NEK7: variants seen among roughly 807,000 people sequenced by gnomAD.
NEK7 encodes serine/threonine-protein kinase Nek7.
A neutral mutation model predicts 44.6 loss-of-function variants in NEK7; 18 were observed. That is an observed-to-expected ratio of 0.40 (90% CI 0.28 to 0.60). The LOEUF (loss-of-function observed/expected upper bound fraction) is 0.60, where lower values mean the gene tolerates loss of function less well. NEK7 is among the 20% of genes least tolerant of loss of function. The pLI, the probability that NEK7 is intolerant of heterozygous loss-of-function variation, is 0.38. For missense variants in NEK7, 256 were observed against 366.5 expected (o/e 0.70, Z 2.46); for synonymous variants, 130 against 121.1 (o/e 1.07, Z -0.48).
intron 5 of NEK7, among the ~76,000 whole-genome samples, chr1:198,275,143 A>T (rs1000782040): frequency 6.6e-6 from 1 of 151,578 alleles, no homozygotes; most frequent in Non-Finnish European, 1.5e-5. Context: ...TAAAAGTGGA[A>T]AAGTTACTTT....
At chr1:198,251,492 A>C (rs1652981855) in intron 2 of NEK7, among the ~76,000 whole-genome samples, 1 of 150,742 alleles carries the variant, frequency 6.6e-6, no homozygotes, top group Admixed American at 6.6e-5. Context: ...TTCGGCTGTA[A>C]ATCCATCTGG....
intron 9 of NEK7, among the ~76,000 whole-genome samples, chr1:198,308,062 A>C (rs1011996239): frequency 2.0e-5 from 3 of 152,108 alleles, no homozygotes; most frequent in Non-Finnish European, 2.9e-5. Flanking sequence ...CTGTTGTGGG[A>C]GATTACAGTG....
chr1:198,288,317 C>T (rs1654442333), intron 7 of NEK7, among the ~76,000 whole-genome samples: 1 of 152,238 alleles, frequency 6.6e-6, no homozygotes, highest in African/African-American at 2.4e-5. Flanking sequence ...AACCTCCCAG[C>T]CGCCATAACA....
At chr1:198,256,625 T>C in intron 3 of NEK7, 1 of 1,001,314 alleles carries the variant, frequency 1.0e-6, no homozygotes, top group South Asian at 1.8e-5. Flanking sequence ...ATTGGCCACC[T>C]AGTGTTTATT....
At chr1:198,227,918 G>C (rs1469131998) in intron 1 of NEK7, among the ~76,000 whole-genome samples, 1 of 152,078 alleles carries the variant, frequency 6.6e-6, no homozygotes, top group African/African-American at 2.4e-5. Context: ...ATTGCTTTTG[G>C]TGTTTTAGAC....
At chr1:198,298,333 C>A (rs1351574891) in intron 9 of NEK7, among the ~76,000 whole-genome samples, 1 of 152,132 alleles carries the variant, frequency 6.6e-6, no homozygotes, top group East Asian at 1.9e-4. Context: ...ATAAATATCT[C>A]TAAAGAATTT....
intron 1 of NEK7, among the ~76,000 whole-genome samples, chr1:198,182,876 TA>T (rs1217874564): frequency 3.9e-5 from 6 of 152,178 alleles, no homozygotes; most frequent in Admixed American, 6.6e-5. Context: ...CGATTGATAG[TA>T]GTCATTAACA....
At chr1:198,277,744 A>G (rs1415247337) in intron 5 of NEK7, 1 of 451,898 alleles carries the variant, frequency 2.2e-6, no homozygotes, top group Non-Finnish European at 3.9e-6. Context: ...AGGTACTGTT[A>G]CACAGTTTCC....
At chr1:198,175,565 T>C (rs1191721085) in intron 1 of NEK7, among the ~76,000 whole-genome samples, 1 of 152,132 alleles carries the variant, frequency 6.6e-6, no homozygotes, top group Non-Finnish European at 1.5e-5. Flanking sequence ...TTTAAATCAG[T>C]TTGGTTGTCA....
intron 1 of NEK7, among the ~76,000 whole-genome samples, chr1:198,178,655 C>T (rs560079606): frequency 3.3e-5 from 5 of 152,014 alleles, no homozygotes; most frequent in African/African-American, 1.2e-4. Flanking sequence ...TTTGCAGATT[C>T]ATTTGTTCAT....
chr1:198,259,724 T>C (rs1653389868), intron 3 of NEK7, among the ~76,000 whole-genome samples: 1 of 152,146 alleles, frequency 6.6e-6, no homozygotes, highest in Non-Finnish European at 1.5e-5. Context: ...ATAATCCCTT[T>C]GGGGGAATGA....
intron 1 of NEK7, chr1:198,198,113 T>C (rs1487954901): frequency 1.1e-5 from 13 of 1,203,390 alleles, no homozygotes; most frequent in Non-Finnish European, 1.5e-5. Flanking sequence ...GTGGGCAGGA[T>C]TGGAACCTCC....
intron 7 of NEK7, among the ~76,000 whole-genome samples, chr1:198,284,316 T>C (rs1247168501): frequency 6.6e-6 from 1 of 152,192 alleles, no homozygotes; most frequent in Non-Finnish European, 1.5e-5. Flanking sequence ...TACTGTTTTC[T>C]GATTTGTTGT....
At position 198,320,434 on chromosome 1, in the gene NEK7, A is replaced by T. The variant is rs181641872; in HGVS notation, c.*912A>T. The T allele has an allele frequency of 6.6e-6, 1 of 152,126 alleles. No individual in the cohort carries two copies. Among genetic ancestry groups the T allele is most frequent in the South Asian group, 2.1e-4 (1 of 4,836 alleles). The allele number at this position is 152,126 out of a possible 1,614,324, so 9.4% of individuals were successfully genotyped here. A position where few individuals can be genotyped will look rare whatever the true frequency, so the allele number is the denominator to read the frequency against. ...ATAATATAAGCCTAAGTTTTTATTC[A>T]TAAGTTTTATTGAAGTTCTGATCGG... On this transcript the variant is annotated 3_prime_UTR_variant, in exon 10 of 10. Transcript: ENST00000367385.
At position 198,321,050 on chromosome 1, in the gene NEK7, T is replaced by C. The variant is rs1459708542; in HGVS notation, c.*1528T>C. ...GTGCCATCTTACAACCTTGGATGAA[T>C]TATCCTGCCAACGTGAAAACCTCAT... On this transcript the variant is annotated 3_prime_UTR_variant, in exon 10 of 10. Transcript: ENST00000367385. The C allele has an allele frequency of 6.6e-6, 1 of 152,202 alleles. No homozygotes were observed. The highest frequency in any genetic ancestry group is 1.5e-5 in the Non-Finnish European group (1 of 68,012). 9.4% of individuals were successfully genotyped at this position (152,202 alleles called of 1,614,324 possible).
chr1:198,157,020 CAGG>C lies in NEK7; in HGVS notation c.-277_-275del, dbSNP rs983174482. 5 of 152,112 alleles carry C rather than the reference CAGG, an allele frequency of 3.3e-5. No homozygotes were observed. Among genetic ancestry groups the C allele is most frequent in the African/African-American group, 7.2e-5 (3 of 41,418 alleles). 9.4% of individuals were successfully genotyped at this position (152,112 alleles called of 1,614,324 possible). ...TTTACACTCCTGACAGCGGCGGCAG[CAGG>C]AGGAGGATCGGGAGTCGCGGGAGGA... On this transcript the variant is annotated 5_prime_UTR_variant, in exon 1 of 10. Transcript: ENST00000367385.
intron 5 of NEK7, among the ~76,000 whole-genome samples, chr1:198,273,140 C>CA (rs1032632707): frequency 6.6e-6 from 1 of 151,650 alleles, no homozygotes; most frequent in Non-Finnish European, 1.5e-5. Context: ...CAGGAAAAGA[C>CA]AAAGACTAGT....
intron 2 of NEK7, among the ~76,000 whole-genome samples, chr1:198,244,466 G>T (rs1238983790): frequency 6.6e-6 from 1 of 152,118 alleles, no homozygotes. Context: ...TAAGGAGTCT[G>T]CACCTGTGAA....
intron 2 of NEK7, among the ~76,000 whole-genome samples, chr1:198,252,527 A>AATATATAT (rs1558079042): frequency 1.6e-4 from 2 of 12,618 alleles, no homozygotes; most frequent in Non-Finnish European, 3.2e-4. Context: ...TATCTCACAT[A>AATATATAT]CTATATATAT....
Sources: allele counts gnomAD v4.1 joint callset (sites outside exome capture counted in the v4.1 genomes callset), GRCh38; gene constraint gnomAD v4.1.1; transcripts MANE v1.5; gene names NCBI Gene and HGNC (gene_info 2026-07-23, HGNC 2026-07-21).